Variants in POTEJ observed in about 807,000 individuals in gnomAD.
POTEJ encodes POTE ankyrin domain family member J.
A neutral mutation model predicts 69.0 loss-of-function variants in POTEJ; 11 were observed. That is an observed-to-expected ratio of 0.16 (90% CI 0.10 to 0.26). The LOEUF (loss-of-function observed/expected upper bound fraction) is 0.26, where lower values mean the gene tolerates loss of function less well. Ranked by LOEUF, POTEJ falls within the 10% of genes least tolerant of loss-of-function variation. The pLI, the probability that POTEJ is intolerant of heterozygous loss-of-function variation, is 1.00. For synonymous variants in POTEJ, 117 were observed against 381.1 expected (o/e 0.31, Z 8.07); for missense variants, 327 against 1,045.5 (o/e 0.31, Z 9.48).
intron 14 of POTEJ, among the ~76,000 whole-genome samples, 171 bp downstream of exon 14, chr2:130,655,212 AC>A (rs1442893625): frequency 6.6e-6 from 1 of 151,846 alleles, no homozygotes; most frequent in African/African-American, 2.4e-5. Flanking sequence ...TTCTTAATTC[AC>A]CTTCATTTGC....
intron 12 of POTEJ, 110 bp downstream of exon 12, chr2:130,645,891 A>T: frequency 4.8e-6 from 1 of 206,920 alleles, no homozygotes. Flanking sequence ...AGTAGCATAA[A>T]TCATCAGTGA....
At chr2:130,645,543 A>T (rs1439886622) in intron 11 of POTEJ, among the ~76,000 whole-genome samples, 194 bp from the exon 12 acceptor site, 1 of 143,688 alleles carries the variant, frequency 7.0e-6, no homozygotes, top group Non-Finnish European at 1.6e-5. Flanking sequence ...GTAGCTAAAC[A>T]TAGATTAAAA....
At chr2:130,647,338 G>T (rs1367764897) in intron 13 of POTEJ, among the ~76,000 whole-genome samples, 1 of 151,400 alleles carries the variant, frequency 6.6e-6, no homozygotes, top group South Asian at 2.1e-4. Context: ...AATTTTTGTT[G>T]TCAGTGCCTG....
intron 14 of POTEJ, 151 bp from the exon 15 acceptor site, chr2:130,656,398 A>T (rs905934488): frequency 9.4e-7 from 1 of 1,066,378 alleles, no homozygotes; most frequent in African/African-American, 1.8e-5. Context: ...CACTCTTATT[A>T]GGTTTGAAGT....
chr2:130,627,084 G>A (rs1403155523), intron 6 of POTEJ, among the ~76,000 whole-genome samples: 1 of 152,112 alleles, frequency 6.6e-6, no homozygotes, highest in African/African-American at 2.4e-5. Flanking sequence ...TTGTACAGTA[G>A]TATTTAACCT....
intron 6 of POTEJ, among the ~76,000 whole-genome samples, chr2:130,625,417 T>C (rs1685669766): frequency 6.6e-6 from 1 of 151,722 alleles, no homozygotes. Context: ...ACTACTTTAT[T>C]CAGTGCTTAC....
At chr2:130,636,251 C>A (rs1160445582) in intron 9 of POTEJ, among the ~76,000 whole-genome samples, 12 of 152,202 alleles carry the variant, frequency 7.9e-5, no homozygotes, top group African/African-American at 2.9e-4. Context: ...CATTAAGGAA[C>A]ATCCACTTTC....
intron 13 of POTEJ, among the ~76,000 whole-genome samples, chr2:130,649,482 T>C (rs1573996145): frequency 1.3e-5 from 2 of 151,794 alleles, no homozygotes; most frequent in East Asian, 1.9e-4. Context: ...ATCTGCAGTT[T>C]AGATGAGTGT....
intron 5 of POTEJ, 100 bp from the exon 6 acceptor site, chr2:130,623,964 T>G: frequency 8.3e-7 from 1 of 1,206,330 alleles, no homozygotes; most frequent in Non-Finnish European, 1.1e-6. Flanking sequence ...AGTTCTGATA[T>G]TCTGATATTG....
chr2:130,626,591 T>A (rs1338277233), intron 6 of POTEJ, among the ~76,000 whole-genome samples: 1 of 152,098 alleles, frequency 6.6e-6, no homozygotes, highest in Non-Finnish European at 1.5e-5. Context: ...AAAACTTTAT[T>A]TACAAAACCA....
intron 5 of POTEJ, among the ~76,000 whole-genome samples, chr2:130,622,309 G>A (rs1203332467): frequency 1.0e-4 from 2 of 19,478 alleles, no homozygotes; most frequent in African/African-American, 2.4e-4. Context: ...GACTTTATCC[G>A]CACACAAAGT....
At chr2:130,650,093 C>T (rs1251771294) in intron 13 of POTEJ, among the ~76,000 whole-genome samples, 4 of 152,278 alleles carry the variant, frequency 2.6e-5, no homozygotes, top group African/African-American at 9.6e-5. Context: ...CAATTGGGAA[C>T]ATACCAGGGA....
rs762691983 is a variant in POTEJ, at chr2:130,657,480, A to T, written c.2720A>T (p.Asp907Val). 1.9e-6 allele frequency: 3 copies of T among 1,575,222 alleles called. No individual in the cohort carries two copies. The highest frequency in any genetic ancestry group is 1.5e-5 in the African/African-American group (1 of 68,078). Residue 907 changes from aspartate (D) to valine (V), a missense_variant, in exon 15 of 15, where the codon GAT (aspartate) becomes GTT (valine). Transcript: ENST00000409602. ...CTAGAGAAGAGCTACGAGCTGCCCG[A>T]TGGCCAGGTCATCACCATCAGCAAC... ...SSLEKSYELP[D>V]GQVITISNEW... is the part of the protein sequence containing the mutation.
intron 9 of POTEJ, among the ~76,000 whole-genome samples, chr2:130,633,144 T>C (rs555405229): frequency 1.4e-5 from 2 of 143,336 alleles, no homozygotes; most frequent in East Asian, 3.9e-4. Flanking sequence ...ATGTGGCATT[T>C]GATTTTCTGT....
chr2:130,629,074 C>G (rs1482022243), intron 6 of POTEJ, among the ~76,000 whole-genome samples: 2 of 151,672 alleles, frequency 1.3e-5, no homozygotes, highest in Non-Finnish European at 2.9e-5. Flanking sequence ...TGGAGGGAAA[C>G]ATTTTAGATA....
chr2:130,629,108 A>G (rs1178581831), intron 6 of POTEJ, among the ~76,000 whole-genome samples: 11 of 151,704 alleles, frequency 7.3e-5, no homozygotes, highest in African/African-American at 2.4e-4. Context: ...GTACACTAAT[A>G]AAGGTGTCAG....
intron 6 of POTEJ, among the ~76,000 whole-genome samples, chr2:130,625,431 G>A (rs1231872277): frequency 6.6e-6 from 1 of 151,872 alleles, no homozygotes; most frequent in Non-Finnish European, 1.5e-5. Context: ...TGCTTACTGT[G>A]TGCTAGATGC....
chr2:130,618,598 G>A (rs866911717), intron 3 of POTEJ, among the ~76,000 whole-genome samples: 79 of 146,550 alleles, frequency 5.4e-4, no homozygotes, highest in South Asian at 2.7e-3. Flanking sequence ...CAACAACAAC[G>A]ACGACGACAA....
intron 6 of POTEJ, among the ~76,000 whole-genome samples, chr2:130,624,621 C>A (rs1297942212): frequency 3.3e-5 from 5 of 152,022 alleles, no homozygotes; most frequent in Non-Finnish European, 7.3e-5. Flanking sequence ...CTCACCTCCT[C>A]CTGTGTGGTG....
Sources: gnomAD v4.1 joint callset for allele counts (sites outside exome capture counted in the v4.1 genomes callset) on GRCh38, gnomAD v4.1.1 for gene constraint, MANE v1.5 for transcripts, NCBI Gene and HGNC (gene_info 2026-07-23, HGNC 2026-07-21) for gene names.